COX4I2: variants seen among roughly 807,000 people sequenced by gnomAD.
The protein encoded by COX4I2 is cytochrome c oxidase subunit 4 isoform 2, mitochondrial.
Under a neutral mutation model 20.8 loss-of-function variants are expected in COX4I2, and 15 were observed. The ratio of observed to expected loss-of-function variants is 0.72; its 90% confidence interval spans 0.48 to 1.11. The LOEUF (loss-of-function observed/expected upper bound fraction) is 1.11, where lower values mean the gene tolerates loss of function less well. Among genes scored for constraint, COX4I2 ranks in the 50% most tolerant of loss-of-function variants. The pLI, the probability that COX4I2 is intolerant of heterozygous loss-of-function variation, is 0.00. For synonymous variants in COX4I2, 80 were observed against 78.1 expected, an observed-to-expected ratio of 1.02 and a Z score of -0.13; for missense variants, 224 against 223.0, an observed-to-expected ratio of 1.00 and a Z score of -0.03.
intron 4 of COX4I2, 99 bp from the exon 5 acceptor site, chr20:31,644,669 C>T (rs2060485820): frequency 2.2e-6 from 3 of 1,387,222 alleles, no homozygotes; most frequent in Middle Eastern, 1.8e-4. Context: ...CTTGTACCGT[C>T]AGCCTTGCGA....
intron 3 of COX4I2, among the ~76,000 whole-genome samples, chr20:31,640,954 T>TACACAC (rs35214276): frequency 0.042 from 5,646 of 133,542 alleles, 138 homozygotes; most frequent in East Asian, 0.075. Flanking sequence ...TCTCTCTTTC[T>TACACAC]ACACACACAC....
rs375116097 is a variant in COX4I2 at position 31,644,796 on chromosome 20, G to T, written c.408G>T (p.Thr136=). The part of the protein sequence containing the change: ...YVFPPKPITL[T]DERKAQQLQR... ...TTCCTCCAAAGCCGATCACCTTGAC[G>T]GACGAGCGGAAAGCCCAGCAGCTGC... The change falls in exon 5 of 5, where the codon ACG becomes ACT. Residue 136 remains threonine, a synonymous_variant. Coordinates refer to ENST00000376075, the MANE Select transcript of COX4I2 (RefSeq NM_032609.3). 1.1e-5 allele frequency: 18 copies of T among 1,613,954 alleles called. No individual in the cohort carries two copies. Among genetic ancestry groups the T allele is most frequent in the Admixed American group, 1.7e-5 (1 of 59,960 alleles).
At chr20:31,643,642 G>A in intron 4 of COX4I2, 107 bp downstream of exon 4, 3 of 1,364,300 alleles carry the variant, frequency 2.2e-6, no homozygotes, top group Non-Finnish European at 3.1e-6. Flanking sequence ...CTGAAGAGCT[G>A]AAAATTTCTG....
intron 3 of COX4I2, among the ~76,000 whole-genome samples, chr20:31,642,186 G>A (rs1048655146): frequency 1.3e-5 from 2 of 151,952 alleles, no homozygotes; most frequent in Non-Finnish European, 2.9e-5. Flanking sequence ...CTCTTCCAGG[G>A]CAGGCAGGCG....
intron 3 of COX4I2, among the ~76,000 whole-genome samples, chr20:31,640,642 C>T (rs1367279960): frequency 6.6e-6 from 1 of 152,040 alleles, no homozygotes; most frequent in Admixed American, 6.6e-5. Flanking sequence ...CCCTGGGAGG[C>T]TGGAGGGATG....
At chr20:31,644,007 C>T (rs767525586) in intron 4 of COX4I2, among the ~76,000 whole-genome samples, 5 of 152,152 alleles carry the variant, frequency 3.3e-5, no homozygotes, top group Non-Finnish European at 2.9e-5. Context: ...GACAGGGTTT[C>T]GCCATGTTGG....
chr20:31,641,379 AAGAG>A (rs1401230472), intron 3 of COX4I2, among the ~76,000 whole-genome samples: 20 of 151,236 alleles, frequency 1.3e-4, no homozygotes, highest in African/African-American at 2.7e-4. Context: ...AAAAAAAAAA[AAGAG>A]AGAGAGAGAA....
In COX4I2 at chr20:31,640,037, G is replaced by T. The variant is rs2060458959; in HGVS notation, c.187G>T (p.Ala63Ser). Residue 63 changes from alanine (A) to serine (S), a missense_variant, in exon 3 of 5, where the codon GCC becomes TCC. Coordinates refer to ENST00000376075, the MANE Select transcript of COX4I2 (RefSeq NM_032609.3). ...FCTELNAEEQ[A>S]LKEKEKGSWT... ...CACAGAACTCAACGCTGAGGAGCAG[G>T]CCCTGAAGGAGAAGGAGAAGGGAAG... 1.2e-6 allele frequency: 2 copies of T among 1,613,880 alleles called. No individual in the cohort carries two copies. Among genetic ancestry groups the T allele is most frequent in the African/African-American group, 2.7e-5 (2 of 75,040 alleles).
At chr20:31,639,843 AC>A in intron 2 of COX4I2, 89 bp from the exon 3 acceptor site, 1 of 1,485,986 alleles carries the variant, frequency 6.7e-7, no homozygotes, top group Middle Eastern at 2.0e-4. Flanking sequence ...GGCATGAGCC[AC>A]CAAGCCCGGC....
chr20:31,639,084 A>G lies in COX4I2; in HGVS notation c.67A>G (p.Ser23Gly). Residue 23 changes from serine to glycine, a missense_variant, in exon 2 of 5, where the codon AGC becomes GGC. Physicochemically the swap from Ser to Gly is moderately conservative, Grantham distance 56 (BLOSUM62 0). Transcript: ENST00000376075. ...KGGGGRRGMH[S>G]SEGTTRGGGK... Reference sequence around the variant, plus strand: ...TGGAGGTGGAAGACGAGGGATGCACAGCTCAGAAGGCACCAGTGAGACCTG... The same window carrying G: ...TGGAGGTGGAAGACGAGGGATGCACGGCTCAGAAGGCACCAGTGAGACCTG... 6.2e-7 allele frequency: 1 copy of G among 1,611,552 alleles called. No homozygotes were observed. Among genetic ancestry groups the G allele is most frequent in the Non-Finnish European group, 8.5e-7 (1 of 1,179,044 alleles).
chr20:31,640,167 G>C (rs2060459759), intron 3 of COX4I2, 70 bp downstream of exon 3: 1 of 1,499,966 alleles, frequency 6.7e-7, no homozygotes, highest in African/African-American at 1.4e-5. Flanking sequence ...TGGCCTGTCA[G>C]GGATCAGAGG....
Position 31,643,405 on chromosome 20 carries a change from G to A in COX4I2, c.249G>A (p.Leu83=). 1 of 1,614,108 alleles carries A rather than the reference G, an allele frequency of 6.2e-7. No individual in the cohort carries two copies. The highest frequency in any genetic ancestry group is 8.5e-7 in the Non-Finnish European group (1 of 1,180,026). The change falls in exon 4 of 5, where the codon TTG becomes TTA. Residue 83 remains leucine (L), a splice_region_variant and synonymous_variant. Coordinates refer to ENST00000376075, the MANE Select transcript of COX4I2 (RefSeq NM_032609.3). ...TQLTHAEKVA[L]YRLQFNETFA... ...TTCCCCACACCCAACTGCCTCCAGTGTACCGGCTCCAGTTCAATGAGACCT... is the reference window on the plus strand; with the variant it reads ...TTCCCCACACCCAACTGCCTCCAGTATACCGGCTCCAGTTCAATGAGACCT...
At chr20:31,644,686 G>C in intron 4 of COX4I2, 82 bp from the exon 5 acceptor site, 2 of 1,539,024 alleles carry the variant, frequency 1.3e-6, no homozygotes, top group Middle Eastern at 1.7e-4. Flanking sequence ...GCGAGTGGCT[G>C]GGAGGCTACA....
Position 31,639,107 on chromosome 20 carries a change from C to G in COX4I2, c.82+8C>G. ...ACAGCTCAGAAGGCACCAGTGAGAC[C>G]TGGACTCCTTCCTCCCTGCCTAACT... On this transcript the variant is annotated splice_region_variant and intron_variant, in intron 2 of 4. Transcript: ENST00000376075. 1 of 1,605,130 alleles carries G rather than the reference C, an allele frequency of 6.2e-7. No individual in the cohort carries two copies. The highest frequency in any genetic ancestry group is 8.5e-7 in the Non-Finnish European group (1 of 1,175,970).
At chr20:31,640,346 C>G (rs1195960602) in intron 3 of COX4I2, among the ~76,000 whole-genome samples, 1 of 152,150 alleles carries the variant, frequency 6.6e-6, no homozygotes, top group Admixed American at 6.6e-5. Flanking sequence ...CATGGTGCCC[C>G]CGGTCCCGTG....
chr20:31,644,924 C>T lies in COX4I2; in HGVS notation c.*20C>T. 6.2e-7 allele frequency: 1 copy of T among 1,611,630 alleles called. No individual in the cohort carries two copies. The highest frequency in any genetic ancestry group is 8.5e-7 in the Non-Finnish European group (1 of 1,179,020). The stretch of plus-strand genomic sequence containing the variant: ...AAGTGACTTGCATCCCCAGCTGTCT[C>T]CCTGAGGCTCCGCCCTGGCTGGGAG... On this transcript the variant is annotated 3_prime_UTR_variant, in exon 5 of 5. Transcript: ENST00000376075.
At chr20:31,638,778 C>G (rs1156896965) in intron 1 of COX4I2, among the ~76,000 whole-genome samples, 1 of 152,142 alleles carries the variant, frequency 6.6e-6, no homozygotes, top group Non-Finnish European at 1.5e-5. Context: ...CCTCCTCCCA[C>G]TTCTCAGATG....
rs1171550845 is a variant in COX4I2 at position 31,639,981 on chromosome 20, G to A, written c.131G>A (p.Arg44His). The A allele has an allele frequency of 5.0e-6, 8 of 1,614,072 alleles. No individual in the cohort carries two copies. Among genetic ancestry groups the A allele is most frequent in the African/African-American group, 2.7e-5 (2 of 75,034 alleles). The stretch of plus-strand genomic sequence containing the variant: ...CCCTACACCAACTGCTATGCCCAGC[G>A]CTACTACCCCATGCCAGAAGAGCCC... The part of the protein sequence containing the change: ...MSPYTNCYAQ[R>H]YYPMPEEPFC... The change falls in exon 3 of 5, where the codon CGC (arginine) becomes CAC (histidine). Residue 44 changes from arginine (R) to histidine (H), a missense_variant. By Grantham distance (29) the Arg-to-His change is conservative (BLOSUM62 0). Transcript: ENST00000376075.
chr20:31,640,949 CTTTCT>C (rs1405615030), intron 3 of COX4I2, among the ~76,000 whole-genome samples: 4 of 131,358 alleles, frequency 3.0e-5, no homozygotes, highest in South Asian at 4.7e-4. Flanking sequence ...CTCTCTCTCT[CTTTCT>C]ACACACACAC....
Sources: allele counts gnomAD v4.1 joint callset (sites outside exome capture counted in the v4.1 genomes callset), GRCh38; gene constraint gnomAD v4.1.1; transcripts MANE v1.5; gene names NCBI Gene and HGNC (gene_info 2026-07-23, HGNC 2026-07-21).